TOP1: variants seen among roughly 807,000 people sequenced by gnomAD.
TOP1 encodes DNA topoisomerase I.
In TOP1, 10 loss-of-function variants were observed where a neutral mutation model predicts 111.1. That is an observed-to-expected ratio of 0.09 (90% CI 0.06 to 0.15). TOP1 has a LOEUF of 0.15. TOP1 is among the 10% of genes least tolerant of loss of function. The pLI, the probability that TOP1 is intolerant of heterozygous loss-of-function variation, is 1.00. For missense variants in TOP1, 474 were observed against 926.7 expected (o/e 0.51, Z 6.34); for synonymous variants, 271 against 302.9 (o/e 0.89, Z 1.10).
At chr20:41,050,002 C>T (rs1220513269) in intron 2 of TOP1, among the ~76,000 whole-genome samples, 1 of 151,950 alleles carries the variant, frequency 6.6e-6, no homozygotes, top group South Asian at 2.1e-4. Context: ...TGTTACTAGT[C>T]TCTTCTCTCA....
At position 41,061,349 on chromosome 20, in the gene TOP1, A is replaced by G. The variant is rs2033541840; in HGVS notation, c.59-45A>G. The G allele has an allele frequency of 6.3e-7, 1 of 1,582,058 alleles. No individual in the cohort carries two copies. The highest frequency in any genetic ancestry group is 2.2e-5 in the East Asian group (1 of 44,674). On this transcript the variant is annotated intron_variant, in intron 2 of 20. Coordinates refer to ENST00000361337, the MANE Select transcript of TOP1 (RefSeq NM_003286.4). This position sits in a 1 kb window ranked among gnomAD's most constrained non-coding sequence, Gnocchi z 4.6. ...GCTTGTCAAGGTAGGCATACAGAAG[A>G]TAGCTCATGACTCCTGTTAACTGAC...
intron 2 of TOP1, among the ~76,000 whole-genome samples, chr20:41,052,881 T>C (rs527419585): frequency 2.3e-4 from 35 of 152,150 alleles, no homozygotes; most frequent in African/African-American, 7.9e-4. Context: ...TCCCAGCTAC[T>C]CGGGAGCCTG....
Position 41,097,465 on chromosome 20 carries a change from T to C in TOP1, c.852+124T>C. ...TGAGTTGTATGGATTTTGTTGTATTTAAACTTGCGTATTTTTTGTCTTCAT... is the reference window on the plus strand; with the variant it reads ...TGAGTTGTATGGATTTTGTTGTATTCAAACTTGCGTATTTTTTGTCTTCAT... On this transcript the variant is annotated intron_variant, in intron 10 of 20. Transcript: ENST00000361337. This position sits in a 1 kb window ranked among gnomAD's most constrained non-coding sequence, Gnocchi z 4.2. The C allele has an allele frequency of 1.0e-6, 1 of 988,152 alleles. No individual in the cohort carries two copies. The highest frequency in any genetic ancestry group is 1.5e-6 in the Non-Finnish European group (1 of 684,692). The allele number at this position is 988,152 out of a possible 1,614,324, so 61.2% of individuals were successfully genotyped here.
Position 41,061,588 on chromosome 20 carries a change from A to T in TOP1, c.155+98A>T. On this transcript the variant is annotated intron_variant, in intron 3 of 20. Transcript: ENST00000361337. The surrounding 1 kb of genome is among the most constrained non-coding windows in gnomAD (Gnocchi z 4.6). Reference sequence around the variant, plus strand: ...GTCTTAACTTGAGCTACATGTAAAGATAGCAAAGTAAGTAGAAACTGTATT... The same window carrying T: ...GTCTTAACTTGAGCTACATGTAAAGTTAGCAAAGTAAGTAGAAACTGTATT... 1 of 1,022,382 alleles carries T rather than the reference A, an allele frequency of 9.8e-7. No homozygotes were observed. The highest frequency in any genetic ancestry group is 1.4e-6 in the Non-Finnish European group (1 of 693,826). 63.3% of individuals were successfully genotyped at this position (1,022,382 alleles called of 1,614,324 possible). A position where few individuals can be genotyped will look rare whatever the true frequency, so the allele number is the denominator to read the frequency against.
rs2145927067 is a variant in TOP1 at position 41,061,527 on chromosome 20, C to T, written c.155+37C>T. On this transcript the variant is annotated intron_variant, in intron 3 of 20. Transcript: ENST00000361337. This position sits in a 1 kb window ranked among gnomAD's most constrained non-coding sequence, Gnocchi z 4.6. ...ATCAAGCAAGTCCCTCATCATTCAG[C>T]AGTGGGTTGGCCATTGCTTGGCTTA... 6.5e-7 allele frequency: 1 copy of T among 1,543,994 alleles called. No individual in the cohort carries two copies. The highest frequency in any genetic ancestry group is 8.8e-7 in the Non-Finnish European group (1 of 1,137,334).
chr20:41,081,946 CT>C (rs1452856616), intron 7 of TOP1, among the ~76,000 whole-genome samples: 1 of 152,172 alleles, frequency 6.6e-6, no homozygotes. Flanking sequence ...CCTAAATGTT[CT>C]TGTTGATGCT....
In TOP1 at chr20:41,029,204, C is replaced by A. The variant is rs2033082632; in HGVS notation, c.33+104C>A. 1.0e-6 allele frequency: 1 copy of A among 967,352 alleles called. No individual in the cohort carries two copies. The highest frequency in any genetic ancestry group is 1.4e-6 in the Non-Finnish European group (1 of 712,662). The allele number at this position is 967,352 out of a possible 1,614,324, so 59.9% of individuals were successfully genotyped here. On this transcript the variant is annotated intron_variant, in intron 1 of 20. Transcript: ENST00000361337. The surrounding 1 kb of genome is among the most constrained non-coding windows in gnomAD (Gnocchi z 6.1). ...GCCCCGGCCCGGCAGCTTTGACAGG[C>A]CGGAGCCCCCGGTGAGGGGCCGCCT...
Position 41,122,209 on chromosome 20 carries a change from G to A in TOP1, c.2195+54G>A, listed in dbSNP as rs2034434504. 1.3e-6 allele frequency: 2 copies of A among 1,594,664 alleles called. No homozygotes were observed. Among genetic ancestry groups the A allele is most frequent in the Admixed American group, 1.7e-5 (1 of 58,876 alleles). On this transcript the variant is annotated intron_variant, in intron 20 of 20. Transcript: ENST00000361337. This position sits in a 1 kb window ranked among gnomAD's most constrained non-coding sequence, Gnocchi z 5.4. ...GCTGCTAGCTTAAGAAAGGTGGAGG[G>A]GGTTCCGAGAGCACTGGTGGCCTTC...
intron 3 of TOP1, among the ~76,000 whole-genome samples, chr20:41,075,158 C>A (rs994664575): frequency 2.0e-5 from 3 of 151,924 alleles, no homozygotes; most frequent in Admixed American, 6.6e-5. Context: ...CCAAAATAAA[C>A]CTCTTTTTAA....
Position 41,112,716 on chromosome 20 carries a change from A to G in TOP1, c.1309-66A>G, listed in dbSNP as rs945496747. ...TAGGCTTGCGCCACCTTGCCTGGCTATATTCAAAGTCTGTCTTTACTACAC... is the reference window on the plus strand; with the variant it reads ...TAGGCTTGCGCCACCTTGCCTGGCTGTATTCAAAGTCTGTCTTTACTACAC... On this transcript the variant is annotated intron_variant, in intron 13 of 20. Transcript: ENST00000361337. This position sits in a 1 kb window ranked among gnomAD's most constrained non-coding sequence, Gnocchi z 5.8. 3.2e-6 allele frequency: 5 copies of G among 1,559,798 alleles called. No homozygotes were observed. The African/African-American group carries it at 4.1e-5, about 13-fold the overall frequency.
chr20:41,103,375 T>C (rs991724570), intron 13 of TOP1, among the ~76,000 whole-genome samples: 1 of 152,226 alleles, frequency 6.6e-6, no homozygotes, highest in Non-Finnish European at 1.5e-5. Context: ...TGCTTTCCTG[T>C]GACATCCACT....
At position 41,092,910 on chromosome 20, in the gene TOP1, G is replaced by A. The variant is rs775063689; in HGVS notation, c.730+323G>A. ...TTCTAGGGAGCAACTCTTCGCAAGA[G>A]TTATTAGAAAAGCCTCACTTGAATG... On this transcript the variant is annotated intron_variant, in intron 9 of 20. Transcript: ENST00000361337. The surrounding 1 kb of genome is among the most constrained non-coding windows in gnomAD (Gnocchi z 4.3). Among the ~76,000 whole-genome samples, 24 of 151,800 alleles carry A rather than the reference G, an allele frequency of 1.6e-4. No individual in the cohort carries two copies. Among genetic ancestry groups the A allele is most frequent in the Non-Finnish European group, 1.9e-4 (13 of 68,022 alleles).
rs1450027689 is a variant in TOP1, at chr20:41,116,575, T to A, written c.1822+183T>A. The stretch of plus-strand genomic sequence containing the variant: ...GTATAAACATAGGATCAATGCTGTT[T>A]CCCCCTTCCCACCCCAACTTCAAGA... On this transcript the variant is annotated intron_variant, in intron 17 of 20. Transcript: ENST00000361337. This position sits in a 1 kb window ranked among gnomAD's most constrained non-coding sequence, Gnocchi z 5.6. Among the ~76,000 whole-genome samples the A allele has an allele frequency of 6.6e-6, 1 of 152,168 alleles. No individual in the cohort carries two copies. Among genetic ancestry groups the A allele is most frequent in the African/African-American group, 2.4e-5 (1 of 41,418 alleles).
At chr20:41,051,369 G>A (rs2033403651) in intron 2 of TOP1, among the ~76,000 whole-genome samples, 1 of 152,170 alleles carries the variant, frequency 6.6e-6, no homozygotes, top group Admixed American at 6.5e-5. Context: ...TTATAAGGCA[G>A]CAAAGGACTC....
Position 41,029,485 on chromosome 20 carries a change from G to T in TOP1, c.58+30G>T. 1.3e-6 allele frequency: 2 copies of T among 1,547,102 alleles called. No homozygotes were observed. Among genetic ancestry groups the T allele is most frequent in the Non-Finnish European group, 8.7e-7 (1 of 1,147,358 alleles). ...GTGTGCCCCCTGCGCCGACTCCGGG[G>T]CCCCCCAGCCGCCGGCCGCCTCCCC... On this transcript the variant is annotated intron_variant, in intron 2 of 20. Transcript: ENST00000361337. This position sits in a 1 kb window ranked among gnomAD's most constrained non-coding sequence, Gnocchi z 6.1.
At position 41,122,211 on chromosome 20, in the gene TOP1, G is replaced by C; in HGVS notation, c.2195+56G>C. On this transcript the variant is annotated intron_variant, in intron 20 of 20. Transcript: ENST00000361337. The surrounding 1 kb of genome is among the most constrained non-coding windows in gnomAD (Gnocchi z 5.4). ...TGCTAGCTTAAGAAAGGTGGAGGGG[G>C]TTCCGAGAGCACTGGTGGCCTTCAC... The C allele has an allele frequency of 1.0e-5, 16 of 1,586,424 alleles. 1 individual carries two copies. The highest frequency in any genetic ancestry group is 1.4e-5 in the Non-Finnish European group (16 of 1,159,540).
At chr20:41,031,472 A>G (rs73257891) in intron 2 of TOP1, among the ~76,000 whole-genome samples, 19,555 of 152,174 alleles carry the variant, frequency 0.13, 1,467 homozygotes, top group Non-Finnish European at 0.16. Flanking sequence ...TAGGTTATTG[A>G]TCTTTACTGA....
rs2145939020 is a variant in TOP1, at chr20:41,082,231, G to A, written c.507+991G>A. ...AAAGAGAATGATAGTGAAGGGGCAG[G>A]GAGTCTTAAGAGGATAATCTATCAT... On this transcript the variant is annotated intron_variant, in intron 7 of 20. Transcript: ENST00000361337. This position sits in a 1 kb window ranked among gnomAD's most constrained non-coding sequence, Gnocchi z 4.1. Among the ~76,000 whole-genome samples, 1 of 152,244 alleles carries A rather than the reference G, an allele frequency of 6.6e-6. No homozygotes were observed. Among genetic ancestry groups the A allele is most frequent in the South Asian group, 2.1e-4 (1 of 4,826 alleles).
chr20:41,085,886 A>G (rs1025502282), intron 8 of TOP1, among the ~76,000 whole-genome samples: 5 of 152,218 alleles, frequency 3.3e-5, no homozygotes, highest in African/African-American at 7.2e-5. Context: ...GCATGTTGCT[A>G]TGGCATCATG....
Sources: gnomAD v4.1 joint callset for allele counts (sites outside exome capture counted in the v4.1 genomes callset) on GRCh38, gnomAD v4.1.1 for gene constraint, Gnocchi (gnomAD v3.1) non-coding constraint, MANE v1.5 for transcripts, NCBI Gene and HGNC (gene_info 2026-07-23, HGNC 2026-07-21) for gene names.